The following CEP15 variants were observed in gnomAD, a reference collection of about 807,000 sequenced individuals.
CEP15 encodes centrosomal protein 15, also known as centrosomal protein 15 kDa.
At chr3:62,328,744 T>C in the CEP15 span, among the ~76,000 whole-genome samples, 1 of 151,868 alleles carries the variant, frequency 6.6e-6, no homozygotes, top group South Asian at 2.1e-4. Flanking sequence ...ATTTAATGCC[T>C]AGTACATGCC....
At chr3:62,322,235 T>C in the CEP15 span, 1 of 553,216 alleles carries the variant, frequency 1.8e-6, no homozygotes, top group African/African-American at 2.0e-5. The surrounding 1 kb of genome is among the most constrained non-coding windows in gnomAD (Gnocchi z 5.5). Flanking sequence ...CTCATTTTTT[T>C]AAATTAAAAA....
chr3:62,322,927 G>A, the CEP15 span, among the ~76,000 whole-genome samples: 1 of 152,176 alleles, frequency 6.6e-6, no homozygotes, highest in Non-Finnish European at 1.5e-5. The surrounding 1 kb of genome is among the most constrained non-coding windows in gnomAD (Gnocchi z 5.5). Context: ...CACAGCCATA[G>A]TGCTACCAAA....
the CEP15 span, chr3:62,331,543 T>C: frequency 1.5e-6 from 1 of 671,682 alleles, no homozygotes; most frequent in Non-Finnish European, 2.5e-6. Context: ...GAGCTTTTTA[T>C]GTCCACAGTA....
the CEP15 span, among the ~76,000 whole-genome samples, chr3:62,331,634 G>A: frequency 6.6e-6 from 1 of 152,066 alleles, no homozygotes; most frequent in Non-Finnish European, 1.5e-5. Context: ...TAAAGATAGG[G>A]ATCTTTTCAC....
chr3:62,319,967 G>C, the CEP15 span: 1 of 152,550 alleles, frequency 6.6e-6, no homozygotes, highest in African/African-American at 2.4e-5. Context: ...CACATGAAAA[G>C]TACTTTCCTA....
At chr3:62,331,425 AAAAG>A in the CEP15 span, 3 of 1,582,832 alleles carry the variant, frequency 1.9e-6, no homozygotes, top group South Asian at 3.3e-5. Flanking sequence ...AACAAATGTA[AAAAG>A]AGAGACCCTA....
the CEP15 span, among the ~76,000 whole-genome samples, chr3:62,330,852 G>A: frequency 6.6e-6 from 1 of 152,092 alleles, no homozygotes; most frequent in African/African-American, 2.4e-5. Context: ...AATGAAATGT[G>A]TGCCATTGAT....
chr3:62,328,616 G>A, the CEP15 span, among the ~76,000 whole-genome samples: 11 of 152,160 alleles, frequency 7.2e-5, no homozygotes, highest in African/African-American at 1.7e-4. Context: ...AGTAAGCATT[G>A]CCTCCCTTTT....
At chr3:62,321,797 A>T in the CEP15 span, 1 of 623,544 alleles carries the variant, frequency 1.6e-6, no homozygotes, top group Non-Finnish European at 2.7e-6. This position sits in a 1 kb window ranked among gnomAD's most constrained non-coding sequence, Gnocchi z 4.1. Flanking sequence ...ATTAGTCGAC[A>T]TAGTAATTGA....
At chr3:62,320,433 T>G in the CEP15 span, 4 of 1,570,692 alleles carry the variant, frequency 2.5e-6, no homozygotes, top group Non-Finnish European at 3.5e-6. Context: ...TAGAAGTAAC[T>G]TTAAATGTTT....
At chr3:62,325,972 C>T in the CEP15 span, among the ~76,000 whole-genome samples, 4 of 146,634 alleles carry the variant, frequency 2.7e-5, no homozygotes, top group South Asian at 4.3e-4. Flanking sequence ...TTGCAGTGAG[C>T]GAGATTGTGC....
the CEP15 span, chr3:62,333,318 G>A: frequency 6.2e-7 from 1 of 1,611,690 alleles, no homozygotes; most frequent in Non-Finnish European, 8.5e-7. This position sits in a 1 kb window ranked among gnomAD's most constrained non-coding sequence, Gnocchi z 4.0. Context: ...TTTAGGAAGA[G>A]CACCATATCC....
chr3:62,320,488 C>T, the CEP15 span: 1 of 1,611,782 alleles, frequency 6.2e-7, no homozygotes, highest in Non-Finnish European at 8.5e-7. Context: ...TCCTTGTTTG[C>T]TCAAGAAATT....
chr3:62,334,488 T>C, the CEP15 span: 1 of 152,112 alleles, frequency 6.6e-6, no homozygotes, highest in East Asian at 1.9e-4. This position sits in a 1 kb window ranked among gnomAD's most constrained non-coding sequence, Gnocchi z 4.9. Flanking sequence ...GGTGTTGGTG[T>C]GGGTAACAAT....
the CEP15 span, among the ~76,000 whole-genome samples, chr3:62,330,058 CT>C: frequency 2.6e-5 from 4 of 152,098 alleles, no homozygotes; most frequent in African/African-American, 9.7e-5. Context: ...AAATTCATGG[CT>C]TTTTTCCTTC....
the CEP15 span, among the ~76,000 whole-genome samples, chr3:62,320,051 A>G: frequency 6.6e-6 from 1 of 152,204 alleles, no homozygotes; most frequent in Non-Finnish European, 1.5e-5. Flanking sequence ...TGGTTCTCAT[A>G]CTTGTTTGCC....
At chr3:62,333,043 A>C in the CEP15 span, among the ~76,000 whole-genome samples, 3 of 152,160 alleles carry the variant, frequency 2.0e-5, no homozygotes, top group Non-Finnish European at 4.4e-5. This position sits in a 1 kb window ranked among gnomAD's most constrained non-coding sequence, Gnocchi z 4.0. Context: ...TTTTACTGAG[A>C]AATTTGAAAA....
chr3:62,321,852 G>T, the CEP15 span: 1 of 1,160,534 alleles, frequency 8.6e-7, no homozygotes, highest in South Asian at 1.6e-5. This position sits in a 1 kb window ranked among gnomAD's most constrained non-coding sequence, Gnocchi z 4.1. Flanking sequence ...ATTAAGAAAT[G>T]AATTTTTTAT....
the CEP15 span, among the ~76,000 whole-genome samples, chr3:62,327,005 T>C: frequency 5.8e-4 from 89 of 152,326 alleles, 2 homozygotes; most frequent in South Asian, 0.018. Flanking sequence ...TTACATTTGT[T>C]TGGATTAGAC....
Sources: gnomAD v4.1 joint callset for allele counts (sites outside exome capture counted in the v4.1 genomes callset) on GRCh38, gnomAD v4.1.1 for gene constraint, Gnocchi (gnomAD v3.1) non-coding constraint, MANE v1.5 for transcripts, NCBI Gene and HGNC (gene_info 2026-07-23, HGNC 2026-07-21) for gene names.